Variants in DRAM1 observed in about 807,000 individuals in gnomAD.
DRAM1 encodes DNA damage regulated autophagy modulator 1.
DRAM1 carries 25 observed loss-of-function variants against 28.5 expected under a neutral mutation model. That is an observed-to-expected ratio of 0.88 (90% CI 0.64 to 1.23). DRAM1 has a LOEUF of 1.23. Among genes scored for constraint, DRAM1 ranks in the 50% most tolerant of loss-of-function variants. The probability of loss-of-function intolerance (pLI) is 0.00; values close to 1 mark genes in which losing one functional copy is unlikely to be tolerated. For synonymous variants in DRAM1, 113 were observed against 114.2 expected (o/e 0.99, Z 0.07); for missense variants, 249 against 299.2 (o/e 0.83, Z 1.24).
At chr12:101,913,809 G>A (rs904815795) in intron 4 of DRAM1, among the ~76,000 whole-genome samples, 7 of 151,598 alleles carry the variant, frequency 4.6e-5, no homozygotes, top group African/African-American at 9.7e-5. Context: ...GGACTGCTGC[G>A]TCAGTCATTT....
At chr12:101,905,778 T>TTTATTTATTTA (rs1873781167) in intron 3 of DRAM1, among the ~76,000 whole-genome samples, 1 of 150,402 alleles carries the variant, frequency 6.6e-6, no homozygotes. Flanking sequence ...TATTTATTTA[T>TTTATTTATTTA]TTATTTATGT....
intron 1 of DRAM1, among the ~76,000 whole-genome samples, chr12:101,894,268 C>G (rs146947450): frequency 1.3e-5 from 2 of 152,238 alleles, no homozygotes; most frequent in African/African-American, 4.8e-5. Context: ...CAGGCATGCA[C>G]CACTATGCCT....
intron 1 of DRAM1, among the ~76,000 whole-genome samples, chr12:101,893,323 T>G (rs769460394): frequency 9.2e-5 from 14 of 152,248 alleles, no homozygotes; most frequent in Non-Finnish European, 1.9e-4. Flanking sequence ...TTTTTATTTA[T>G]TTATTTCGTT....
intron 3 of DRAM1, among the ~76,000 whole-genome samples, chr12:101,903,526 G>T (rs1457279205): frequency 1.3e-5 from 2 of 152,160 alleles, no homozygotes; most frequent in African/African-American, 4.8e-5. Flanking sequence ...GAGTGAAGAG[G>T]AAGATGAGGA....
chr12:101,885,525 CTTTT>C (rs11342964), intron 1 of DRAM1, among the ~76,000 whole-genome samples: 1,804 of 96,442 alleles, frequency 0.019, 32 homozygotes, highest in African/African-American at 0.071. Context: ...TCCCACTGGA[CTTTT>C]TTTTTTTTTT....
At chr12:101,903,888 A>T (rs774437470) in intron 3 of DRAM1, among the ~76,000 whole-genome samples, 27 of 150,906 alleles carry the variant, frequency 1.8e-4, no homozygotes, top group Non-Finnish European at 3.5e-4. Context: ...ACATAGGGCA[A>T]CACAGGGAGA....
intron 1 of DRAM1, among the ~76,000 whole-genome samples, chr12:101,894,406 C>T (rs138940099): frequency 0.022 from 3,290 of 152,178 alleles, 102 homozygotes; most frequent in African/African-American, 0.074. Context: ...CATGAGCTAC[C>T]ACACCCGGCC....
chr12:101,898,082 G>A (rs1002204756), intron 2 of DRAM1, 152 bp downstream of exon 2: 20 of 496,660 alleles, frequency 4.0e-5, no homozygotes, highest in Non-Finnish European at 6.8e-5. Flanking sequence ...GTGCAGTGGC[G>A]TGATCACGGC....
At chr12:101,907,041 CA>C (rs201711328) in intron 3 of DRAM1, among the ~76,000 whole-genome samples, 1 of 149,694 alleles carries the variant, frequency 6.7e-6, no homozygotes, top group Admixed American at 6.6e-5. Context: ...AGCTGCCTTT[CA>C]AAAAAAATTA....
chr12:101,877,920 G>A lies in DRAM1; in HGVS notation c.131G>A (p.Ser44Asn). Residue 44 changes from serine (S) to asparagine (N), a missense_variant and splice_region_variant, in exon 1 of 7, where the codon AGT (serine) becomes AAT (asparagine). Ser to Asn is a conservative substitution (Grantham distance 46). Around this residue, in one of 3 missense-constraint regions of DRAM1, gnomAD observed 218 missense variants for 243.1 expected, o/e 0.90. Transcript: ENST00000258534. This position sits in a 1 kb window ranked among gnomAD's most constrained non-coding sequence, Gnocchi z 4.1. ...GHVNPFLPYI[S>N]DTGTTPPESG... ...GTCAACCCCTTCCTCCCGTATATCA[G>A]GTGAGTGGCAGGGTGGGCGTCAGGG... is the stretch of plus-strand genomic sequence containing the variant. 6.5e-7 allele frequency: 1 copy of A among 1,532,470 alleles called. No individual in the cohort carries two copies. Among genetic ancestry groups the A allele is most frequent in the Non-Finnish European group, 8.8e-7 (1 of 1,135,680 alleles). The allele number at this position is 1,532,470 out of a possible 1,614,324, so 94.9% of individuals were successfully genotyped here.
In DRAM1 at chr12:101,877,965, G is replaced by A. The variant is rs1179366289; in HGVS notation, c.131+45G>A. 1 of 1,421,164 alleles carries A rather than the reference G, an allele frequency of 7.0e-7. No individual in the cohort carries two copies. The highest frequency in any genetic ancestry group is 9.3e-7 in the Non-Finnish European group (1 of 1,072,884). The allele number at this position is 1,421,164 out of a possible 1,614,324, so 88.0% of individuals were successfully genotyped here. On this transcript the variant is annotated intron_variant, in intron 1 of 6. Coordinates refer to ENST00000258534, the MANE Select transcript of DRAM1 (RefSeq NM_018370.3). This position sits in a 1 kb window ranked among gnomAD's most constrained non-coding sequence, Gnocchi z 4.1. ...TCAGGGCCCCAGGAGCAGGCACAGG[G>A]ACCACAGGGAGCGCTGCCGACGGGG...
intron 5 of DRAM1, among the ~76,000 whole-genome samples, chr12:101,917,830 C>T (rs1232671671): frequency 6.6e-6 from 1 of 152,022 alleles, no homozygotes; most frequent in Admixed American, 6.6e-5. Flanking sequence ...GAAGGGGGTT[C>T]AGTTCCTCTT....
intron 4 of DRAM1, among the ~76,000 whole-genome samples, chr12:101,913,324 A>T (rs192415080): frequency 1.3e-5 from 2 of 152,232 alleles, no homozygotes; most frequent in African/African-American, 2.4e-5. Flanking sequence ...TTTTTTAAAG[A>T]TAATAGTTTG....
intron 1 of DRAM1, among the ~76,000 whole-genome samples, chr12:101,879,398 T>C (rs984824075): frequency 2.0e-5 from 3 of 152,228 alleles, no homozygotes; most frequent in African/African-American, 4.8e-5. Flanking sequence ...ATGTTATGTA[T>C]ATCAAGATGT....
intron 1 of DRAM1, among the ~76,000 whole-genome samples, chr12:101,888,009 T>C (rs60088639): frequency 0.038 from 5,817 of 152,302 alleles, 363 homozygotes; most frequent in African/African-American, 0.13. Flanking sequence ...TCTGACATGA[T>C]GTTAATGACA....
At chr12:101,905,586 A>G (rs1319962047) in intron 3 of DRAM1, among the ~76,000 whole-genome samples, 1 of 150,200 alleles carries the variant, frequency 6.7e-6, no homozygotes, top group African/African-American at 2.4e-5. Flanking sequence ...CCAGTCTTTT[A>G]TTTATTTTTA....
At position 101,877,918 on chromosome 12, in the gene DRAM1, C is replaced by A. The variant is rs968994449; in HGVS notation, c.129C>A (p.Ile43=). Residue 43 remains isoleucine, a splice_region_variant and synonymous_variant, in exon 1 of 7, where the codon ATC becomes ATA. Transcript: ENST00000258534. This position sits in a 1 kb window ranked among gnomAD's most constrained non-coding sequence, Gnocchi z 4.1. ...SGHVNPFLPY[I]SDTGTTPPES... ...ACGTCAACCCCTTCCTCCCGTATATCAGGTGAGTGGCAGGGTGGGCGTCAG... is the reference window on the plus strand; with the variant it reads ...ACGTCAACCCCTTCCTCCCGTATATAAGGTGAGTGGCAGGGTGGGCGTCAG... The A allele has an allele frequency of 6.5e-6, 10 of 1,533,238 alleles. No homozygotes were observed. The highest frequency in any genetic ancestry group is 8.8e-6 in the Non-Finnish European group (10 of 1,136,144). 95.0% of individuals were successfully genotyped at this position (1,533,238 alleles called of 1,614,324 possible).
intron 1 of DRAM1, among the ~76,000 whole-genome samples, chr12:101,885,525 CTTTTTTTTTTT>C (rs11342964): frequency 1.0e-5 from 1 of 96,410 alleles, no homozygotes; most frequent in African/African-American, 4.3e-5. Context: ...TCCCACTGGA[CTTTTTTTTTTT>C]TTTTTTTTTT....
chr12:101,917,630 G>T (rs1214685547), intron 5 of DRAM1, among the ~76,000 whole-genome samples: 4 of 151,154 alleles, frequency 2.6e-5, no homozygotes, highest in African/African-American at 4.9e-5. Context: ...AGAGCTGGAG[G>T]CTGCAATGAG....
Sources: allele counts gnomAD v4.1 joint callset (sites outside exome capture counted in the v4.1 genomes callset), GRCh38; gene constraint gnomAD v4.1.1; regional missense constraint gnomAD v4.1.1; non-coding constraint Gnocchi (gnomAD v3.1); transcripts MANE v1.5; gene names NCBI Gene and HGNC (gene_info 2026-07-23, HGNC 2026-07-21).